The following ZBTB7C variants were observed in gnomAD, a reference collection of about 807,000 sequenced individuals.
ZBTB7C encodes the protein zinc finger and BTB domain containing 7C.
ZBTB7C carries 8 observed loss-of-function variants against 25.7 expected under a neutral mutation model. The ratio of observed to expected loss-of-function variants is 0.31; its 90% CI spans 0.18 to 0.56. The LOEUF (loss-of-function observed/expected upper bound fraction) is 0.56. Among genes scored for constraint, ZBTB7C ranks in the 20% least tolerant of loss-of-function variants. The pLI is 0.91. For synonymous variants in ZBTB7C, 394 were observed against 369.0 expected, an observed-to-expected ratio of 1.07 and a Z score of -0.78; for missense variants, 824 against 855.2, an observed-to-expected ratio of 0.96 and a Z score of 0.46.
At chr18:48,038,098 G>A (rs1204667592) in intron 4 of ZBTB7C, among the ~76,000 whole-genome samples, 1 of 152,144 alleles carries the variant, frequency 6.6e-6, no homozygotes, top group Non-Finnish European at 1.5e-5. Context: ...GTGGCATTGG[G>A]GTGGCAGGGC....
intron 3 of ZBTB7C, among the ~76,000 whole-genome samples, chr18:48,093,618 C>CA (rs61347643): frequency 0.044 from 6,635 of 150,812 alleles, 472 homozygotes; most frequent in African/African-American, 0.15. Flanking sequence ...TAAAAAAAAA[C>CA]AAAAAAAACA....
At chr18:48,183,511 C>T (rs1334423165) in intron 3 of ZBTB7C, among the ~76,000 whole-genome samples, 5 of 152,146 alleles carry the variant, frequency 3.3e-5, no homozygotes, top group African/African-American at 9.7e-5. Context: ...AAACAGACTT[C>T]GGGATTGATT....
chr18:48,029,976 T>C (rs1598738844), intron 4 of ZBTB7C, 65 bp from the exon 5 acceptor site: 6 of 1,594,128 alleles, frequency 3.8e-6, no homozygotes, highest in Non-Finnish European at 5.1e-6. Flanking sequence ...AACCTTTTGC[T>C]CCCCCTTTCT....
chr18:48,071,045 C>A (rs2037522114), intron 3 of ZBTB7C, among the ~76,000 whole-genome samples: 1 of 152,226 alleles, frequency 6.6e-6, no homozygotes, highest in Non-Finnish European at 1.5e-5. Flanking sequence ...CTGCTTTTCA[C>A]ATCTATAGCA....
chr18:48,389,092 C>A (rs1246086544), intron 1 of ZBTB7C, among the ~76,000 whole-genome samples: 1 of 151,934 alleles, frequency 6.6e-6, no homozygotes, highest in Admixed American at 6.6e-5. Flanking sequence ...GCAGTCTGAA[C>A]TAATGTGGAA....
intron 1 of ZBTB7C, among the ~76,000 whole-genome samples, chr18:48,389,234 CTCGTGTGTGTGTGTGTGTGT>C (rs2047833258): frequency 3.6e-5 from 2 of 55,190 alleles, no homozygotes; most frequent in African/African-American, 1.5e-4. Context: ...CTCTCTCTCT[CTCGTGTGTGTGTGTGTGTGT>C]GTGTGTGTGT....
intron 2 of ZBTB7C, among the ~76,000 whole-genome samples, chr18:48,237,460 G>C (rs578108560): frequency 6.6e-6 from 1 of 152,168 alleles, no homozygotes; most frequent in African/African-American, 2.4e-5. Context: ...AAATCCAAAA[G>C]GCCAATAAAT....
intron 2 of ZBTB7C, among the ~76,000 whole-genome samples, chr18:48,219,021 G>A (rs1599125748): frequency 6.6e-6 from 1 of 152,152 alleles, no homozygotes; most frequent in Non-Finnish European, 1.5e-5. Context: ...CTGCCAACCA[G>A]CCCCTTCTCC....
chr18:48,067,111 A>G (rs2037360031), intron 3 of ZBTB7C, among the ~76,000 whole-genome samples: 2 of 152,146 alleles, frequency 1.3e-5, no homozygotes, highest in East Asian at 1.9e-4. Flanking sequence ...CCAAAAAAAC[A>G]AAACAAAACA....
At chr18:48,350,208 A>G (rs1433049952) in intron 1 of ZBTB7C, among the ~76,000 whole-genome samples, 1 of 152,212 alleles carries the variant, frequency 6.6e-6, no homozygotes, top group Admixed American at 6.5e-5. Context: ...CAAGGGTCTC[A>G]CTGGGCTAAA....
At chr18:48,094,843 A>G (rs564499961) in intron 3 of ZBTB7C, among the ~76,000 whole-genome samples, 1 of 152,268 alleles carries the variant, frequency 6.6e-6, no homozygotes, top group East Asian at 1.9e-4. Flanking sequence ...CTTTGAAACG[A>G]AAAAGGGAGC....
intron 2 of ZBTB7C, among the ~76,000 whole-genome samples, chr18:48,327,946 T>A (rs1168166584): frequency 2.6e-5 from 4 of 152,100 alleles, no homozygotes; most frequent in Non-Finnish European, 5.9e-5. Flanking sequence ...TAGTGACTCA[T>A]GCCTGTAACC....
chr18:48,289,744 C>A (rs555132603), intron 2 of ZBTB7C, among the ~76,000 whole-genome samples: 8 of 152,100 alleles, frequency 5.3e-5, no homozygotes, highest in African/African-American at 1.9e-4. Flanking sequence ...CAGACATGGA[C>A]CTTTGGGTCC....
intron 2 of ZBTB7C, among the ~76,000 whole-genome samples, chr18:48,325,036 C>T (rs1240732565): frequency 3.3e-5 from 5 of 152,150 alleles, no homozygotes; most frequent in Non-Finnish European, 4.4e-5. Flanking sequence ...GGGACTATGT[C>T]GGGAGCTCCC....
intron 1 of ZBTB7C, among the ~76,000 whole-genome samples, chr18:48,404,082 G>A (rs917332295): frequency 9.2e-5 from 14 of 152,178 alleles, no homozygotes; most frequent in East Asian, 7.7e-4. Context: ...GTAAAACCCC[G>A]TCTCTACTAA....
At chr18:48,370,810 C>T (rs1168252850) in intron 1 of ZBTB7C, among the ~76,000 whole-genome samples, 1 of 152,166 alleles carries the variant, frequency 6.6e-6, no homozygotes, top group African/African-American at 2.4e-5. Context: ...TTTTCTGTCT[C>T]TCTTTGGAGA....
At chr18:48,197,428 C>T (rs1239752420) in intron 2 of ZBTB7C, among the ~76,000 whole-genome samples, 1 of 152,244 alleles carries the variant, frequency 6.6e-6, no homozygotes, top group Non-Finnish European at 1.5e-5. Flanking sequence ...CCTCTCCACA[C>T]TGAGCCCCAA....
intron 2 of ZBTB7C, among the ~76,000 whole-genome samples, chr18:48,304,169 T>C (rs1158077976): frequency 6.6e-6 from 1 of 152,186 alleles, no homozygotes; most frequent in Non-Finnish European, 1.5e-5. Flanking sequence ...ACACAGAGCA[T>C]AAGCCCAGCT....
chr18:48,411,074 C>G (rs1468960190), upstream of ZBTB7C, among the ~76,000 whole-genome samples: 5 of 151,948 alleles, frequency 3.3e-5, no homozygotes, highest in African/African-American at 1.2e-4. Context: ...TTCATTCATT[C>G]GTGTAATAAA....
Sources: gnomAD v4.1 joint callset for allele counts (sites outside exome capture counted in the v4.1 genomes callset) on GRCh38, gnomAD v4.1.1 for gene constraint, MANE v1.5 for transcripts, NCBI Gene and HGNC (gene_info 2026-07-23, HGNC 2026-07-21) for gene names.